Variants in NEMP2 observed in about 807,000 individuals in gnomAD.
The protein encoded by NEMP2 is nuclear envelope integral membrane protein 2, also known as UPF0571 transmembrane protein.
Under a neutral mutation model 54.2 loss-of-function variants are expected in NEMP2, and 53 were observed. That is an observed-to-expected ratio of 0.98 (90% confidence interval 0.78 to 1.23). The LOEUF is 1.23. Among genes scored for constraint, NEMP2 ranks in the 50% most tolerant of loss-of-function variants. The pLI is 0.00. For missense variants in NEMP2, 455 were observed against 511.3 expected (o/e 0.89, Z 1.06); for synonymous variants, 197 against 190.3 (o/e 1.04, Z -0.29).
At position 190,506,085 on chromosome 2, in the gene NEMP2, T is replaced by A. The variant is rs1037615129; in HGVS notation, c.*3104A>T. The A allele has an allele frequency of 6.6e-6, 1 of 152,252 alleles. No homozygotes were observed. The highest frequency in any genetic ancestry group is 2.4e-5 in the African/African-American group (1 of 41,460). 9.4% of individuals were successfully genotyped at this position (152,252 alleles called of 1,614,324 possible). A position where few individuals can be genotyped will look rare whatever the true frequency, so the allele number is the denominator to read the frequency against. On this transcript the variant is annotated 3_prime_UTR_variant, in exon 9 of 9. Coordinates refer to ENST00000409150, the MANE Select transcript of NEMP2 (RefSeq NM_001142645.2). This position sits in a 1 kb window ranked among gnomAD's most constrained non-coding sequence, Gnocchi z 6.3. ...ATCCTTATGCTAGTTATATTTTTGG[T>A]TGTGAATCACTACCTGTACCAACTA...
At chr2:190,551,642 G>A in the NEMP2 span, among the ~76,000 whole-genome samples, 1 of 152,150 alleles carries the variant, frequency 6.6e-6, no homozygotes, top group African/African-American at 2.4e-5. Context: ...CTGTGAGCAT[G>A]TCTTTCTTGT....
chr2:190,442,155 A>C, the NEMP2 span, among the ~76,000 whole-genome samples: 1 of 152,252 alleles, frequency 6.6e-6, no homozygotes, highest in Non-Finnish European at 1.5e-5. Context: ...AAAATGTTTT[A>C]AAAGATGACT....
chr2:190,471,398 T>C, the NEMP2 span, among the ~76,000 whole-genome samples: 1 of 152,188 alleles, frequency 6.6e-6, no homozygotes, highest in Non-Finnish European at 1.5e-5. The surrounding 1 kb of genome is among the most constrained non-coding windows in gnomAD (Gnocchi z 4.7). Context: ...ACCCTAATAC[T>C]GTGCTTTTCC....
chr2:190,495,694 A>AAT, the NEMP2 span, among the ~76,000 whole-genome samples: 1 of 151,692 alleles, frequency 6.6e-6, no homozygotes, highest in Non-Finnish European at 1.5e-5. The surrounding 1 kb of genome is among the most constrained non-coding windows in gnomAD (Gnocchi z 4.7). Flanking sequence ...AATAAAGCCA[A>AAT]ATACAGCCAA....
the NEMP2 span, among the ~76,000 whole-genome samples, chr2:190,632,035 A>G: frequency 6.6e-6 from 1 of 152,302 alleles, no homozygotes; most frequent in East Asian, 1.9e-4. This position sits in a 1 kb window ranked among gnomAD's most constrained non-coding sequence, Gnocchi z 4.8. Context: ...TTGCCTGGGC[A>G]ACTGGAGTAA....
chr2:190,435,825 G>A, the NEMP2 span: 24 of 634,506 alleles, frequency 3.8e-5, no homozygotes, highest in South Asian at 5.8e-4. Flanking sequence ...TTTCCTTACC[G>A]GTATTGTGTG....
upstream of NEMP2, chr2:190,536,109 T>A (rs1391112793): frequency 1.3e-5 from 2 of 152,244 alleles, no homozygotes; most frequent in Non-Finnish European, 2.9e-5. Flanking sequence ...AGTAAATATC[T>A]GTAAAGAAGC....
At chr2:190,448,062 G>T in the NEMP2 span, among the ~76,000 whole-genome samples, 6 of 152,144 alleles carry the variant, frequency 3.9e-5, no homozygotes, top group Non-Finnish European at 5.9e-5. Flanking sequence ...GTTGATTGAG[G>T]TACTTGCTGA....
At chr2:190,471,968 C>T in the NEMP2 span, among the ~76,000 whole-genome samples, 1 of 152,134 alleles carries the variant, frequency 6.6e-6, no homozygotes, top group South Asian at 2.1e-4. This position sits in a 1 kb window ranked among gnomAD's most constrained non-coding sequence, Gnocchi z 4.7. Flanking sequence ...CTGCTGATAC[C>T]CAGGCAAACA....
the NEMP2 span, chr2:190,648,475 G>T: frequency 6.7e-6 from 1 of 149,498 alleles, no homozygotes; most frequent in Non-Finnish European, 1.5e-5. Flanking sequence ...CCCCGCCTCT[G>T]CCCCGAGCCT....
the NEMP2 span, among the ~76,000 whole-genome samples, chr2:190,431,282 T>C: frequency 4.6e-5 from 7 of 151,922 alleles, no homozygotes; most frequent in African/African-American, 7.3e-5. The surrounding 1 kb of genome is among the most constrained non-coding windows in gnomAD (Gnocchi z 4.4). Flanking sequence ...GCAGAGACGC[T>C]CCTCACTTCC....
At chr2:190,582,267 G>A in the NEMP2 span, among the ~76,000 whole-genome samples, 1 of 152,064 alleles carries the variant, frequency 6.6e-6, no homozygotes, top group Non-Finnish European at 1.5e-5. This position sits in a 1 kb window ranked among gnomAD's most constrained non-coding sequence, Gnocchi z 4.6. Flanking sequence ...AAAGACATCT[G>A]GAATCAAGAG....
intron 4 of NEMP2, among the ~76,000 whole-genome samples, chr2:190,517,824 G>C (rs1472156249): frequency 6.6e-6 from 1 of 152,192 alleles, no homozygotes; most frequent in African/African-American, 2.4e-5. Context: ...CAGAATGTCT[G>C]AAGTATTTTT....
Position 190,525,428 on chromosome 2 carries a change from ATCTTTTTT to A in NEMP2, c.98-58_98-51del, listed in dbSNP as rs1331637430. ...TTTTCTAACTGTTTAATTGCCCAGA[ATCTTTTTT>A]AAAAAAAGTTTGCAGGGAGGTAACA... On this transcript the variant is annotated intron_variant, in intron 1 of 8. Transcript: ENST00000409150. This position sits in a 1 kb window ranked among gnomAD's most constrained non-coding sequence, Gnocchi z 5.0. The A allele has an allele frequency of 8.8e-7, 1 of 1,142,364 alleles. No homozygotes were observed. The highest frequency in any genetic ancestry group is 1.2e-6 in the Non-Finnish European group (1 of 803,420). 70.8% of individuals were successfully genotyped at this position (1,142,364 alleles called of 1,614,324 possible).
the NEMP2 span, among the ~76,000 whole-genome samples, chr2:190,624,238 A>G: frequency 6.6e-6 from 1 of 152,252 alleles, no homozygotes; most frequent in African/African-American, 2.4e-5. Context: ...GCAAAGCAAA[A>G]CCACAATGAG....
At chr2:190,428,012 G>A in the NEMP2 span, among the ~76,000 whole-genome samples, 1 of 152,190 alleles carries the variant, frequency 6.6e-6, no homozygotes, top group South Asian at 2.1e-4. Flanking sequence ...GATTACAGGC[G>A]TGAGCCACTG....
chr2:190,448,297 A>G, the NEMP2 span, among the ~76,000 whole-genome samples: 1 of 152,198 alleles, frequency 6.6e-6, no homozygotes, highest in South Asian at 2.1e-4. Flanking sequence ...TAAAAATTAC[A>G]TTTTTTAGAT....
upstream of NEMP2, among the ~76,000 whole-genome samples, chr2:190,537,374 G>A (rs1186703844): frequency 6.6e-6 from 1 of 152,160 alleles, no homozygotes; most frequent in Non-Finnish European, 1.5e-5. Flanking sequence ...CCCAGTGGGA[G>A]GTAACTGAAT....
the NEMP2 span, among the ~76,000 whole-genome samples, chr2:190,640,577 C>T: frequency 2.6e-5 from 4 of 152,030 alleles, no homozygotes; most frequent in Non-Finnish European, 5.9e-5. Flanking sequence ...TCCAGGTACA[C>T]GACAATATAA....
Sources: gnomAD v4.1 joint callset for allele counts (sites outside exome capture counted in the v4.1 genomes callset) on GRCh38, gnomAD v4.1.1 for gene constraint, Gnocchi (gnomAD v3.1) non-coding constraint, MANE v1.5 for transcripts, NCBI Gene and HGNC (gene_info 2026-07-23, HGNC 2026-07-21) for gene names.